FAT3: variants seen among roughly 807,000 people sequenced by gnomAD.
FAT3 encodes protocadherin Fat 3.
A neutral mutation model predicts 310.2 loss-of-function variants in FAT3; 95 were observed. The ratio of observed to expected loss-of-function variants is 0.31; its 90% CI spans 0.26 to 0.36. The LOEUF is 0.36. FAT3 is among the 10% of genes least tolerant of loss of function. The pLI is 1.00. For synonymous variants in FAT3, 2,314 were observed against 2,192.9 expected, an observed-to-expected ratio of 1.06 and a Z score of -1.54; for missense variants, 5,408 against 5,715.6, an observed-to-expected ratio of 0.95 and a Z score of 1.74.
chr11:92,254,841 G>T (rs2054218), intron 1 of FAT3, among the ~76,000 whole-genome samples: 35,346 of 151,846 alleles, frequency 0.23, 4,585 homozygotes, highest in East Asian at 0.38. Context: ...GAGTAGCTGG[G>T]GCTACAGGCA....
chr11:92,640,508 A>G (rs1941919815), intron 3 of FAT3, among the ~76,000 whole-genome samples: 1 of 152,176 alleles, frequency 6.6e-6, no homozygotes, highest in Non-Finnish European at 1.5e-5. Context: ...ATTGTTATTA[A>G]TAGAACAGGT....
At chr11:92,426,732 T>G (rs1404659323) in intron 2 of FAT3, among the ~76,000 whole-genome samples, 1 of 152,200 alleles carries the variant, frequency 6.6e-6, no homozygotes, top group Non-Finnish European at 1.5e-5. Context: ...TCCGTTGGTC[T>G]ATATATCTGT....
intron 4 of FAT3, among the ~76,000 whole-genome samples, chr11:92,725,415 C>A (rs1418269677): frequency 6.6e-6 from 1 of 152,180 alleles, no homozygotes; most frequent in Non-Finnish European, 1.5e-5. Flanking sequence ...ACAGAAAAAT[C>A]CATCTCCCAA....
intron 2 of FAT3, among the ~76,000 whole-genome samples, chr11:92,516,062 A>G (rs1432863993): frequency 6.6e-6 from 1 of 152,140 alleles, no homozygotes; most frequent in Non-Finnish European, 1.5e-5. Context: ...CAAAGGTACA[A>G]AGAGAAGCTG....
chr11:92,463,732 G>A (rs115698880), intron 2 of FAT3, among the ~76,000 whole-genome samples: 1 of 152,106 alleles, frequency 6.6e-6, no homozygotes, highest in Non-Finnish European at 1.5e-5. Flanking sequence ...ATTTACACTG[G>A]TAGTCTGGCA....
At chr11:92,486,096 G>T (rs1952376126) in intron 2 of FAT3, among the ~76,000 whole-genome samples, 1 of 133,234 alleles carries the variant, frequency 7.5e-6, no homozygotes, top group African/African-American at 2.8e-5. Context: ...TTCCTCTAAG[G>T]ACTCATATGT....
At chr11:92,857,092 A>G in intron 19 of FAT3, 122 bp from the exon 20 acceptor site, 2 of 1,432,792 alleles carry the variant, frequency 1.4e-6, no homozygotes, top group Non-Finnish European at 1.9e-6. Context: ...GACTCAGCTC[A>G]GAGCCCACAT....
chr11:92,489,689 C>G lies in FAT3; in HGVS notation c.3293-34945C>G, dbSNP rs1952544635. Among the ~76,000 whole-genome samples the G allele has an allele frequency of 2.6e-5, 4 of 152,170 alleles. No individual in the cohort carries two copies. The South Asian group carries it at 8.3e-4, about 32-fold the overall frequency. The stretch of plus-strand genomic sequence containing the variant: ...CACCTACCAGATGCTAATAGGACAT[C>G]ATTGCTCTATATCAAACTATATTAG... On this transcript the variant is annotated intron_variant, in intron 2 of 27. Transcript: ENST00000525166.
intron 3 of FAT3, among the ~76,000 whole-genome samples, chr11:92,540,207 C>T (rs192620195): frequency 1.3e-4 from 20 of 152,254 alleles, no homozygotes; most frequent in South Asian, 4.1e-4. Context: ...TTCTCATCTG[C>T]GGAGCCATCC....
chr11:92,797,916 G>A lies in FAT3; in HGVS notation c.4903G>A (p.Gly1635Ser). 3 of 1,613,802 alleles carry A rather than the reference G, an allele frequency of 1.9e-6. No homozygotes were observed. The highest frequency in any genetic ancestry group is 2.2e-5 in the South Asian group (2 of 91,070). ...CAAAGAACCAGACATGACGACGATG[G>A]GTCAGTTTGTCCTATCCATCAAAGT... is the stretch of plus-strand genomic sequence containing the variant. ...ICKEPDMTTM[G>S]QFVLSIKVTD... is the part of the protein sequence containing the mutation. Residue 1635 changes from glycine to serine, a missense_variant, in exon 10 of 28, where the codon GGT (glycine) becomes AGT (serine). Physicochemically the swap from Gly to Ser is moderately conservative, Grantham distance 56. Coordinates refer to ENST00000525166, the MANE Select transcript of FAT3 (RefSeq NM_001367949.2).
At chr11:92,706,900 C>T (rs1057031131) in intron 4 of FAT3, among the ~76,000 whole-genome samples, 1 of 152,282 alleles carries the variant, frequency 6.6e-6, no homozygotes, top group Non-Finnish European at 1.5e-5. Flanking sequence ...GAACATTGTC[C>T]GCACAGGCAT....
At chr11:92,442,414 G>A (rs1951097155) in intron 2 of FAT3, among the ~76,000 whole-genome samples, 1 of 150,342 alleles carries the variant, frequency 6.7e-6, no homozygotes, top group African/African-American at 2.4e-5. Flanking sequence ...CGCCTGGCCA[G>A]GAAATATATT....
chr11:92,767,224 C>G (rs1209984203), intron 6 of FAT3, among the ~76,000 whole-genome samples: 8 of 150,120 alleles, frequency 5.3e-5, no homozygotes, highest in Non-Finnish European at 1.2e-4. Flanking sequence ...ACTCCAGCAG[C>G]CTGGGCAACA....
intron 3 of FAT3, among the ~76,000 whole-genome samples, chr11:92,592,599 C>G (rs575328079): frequency 1.3e-5 from 2 of 151,714 alleles, no homozygotes; most frequent in Non-Finnish European, 2.9e-5. Context: ...GGATTACAGG[C>G]GTGAGCCACC....
At chr11:92,229,974 G>A (rs1864101532) in intron 1 of FAT3, among the ~76,000 whole-genome samples, 1 of 152,028 alleles carries the variant, frequency 6.6e-6, no homozygotes, top group Admixed American at 6.6e-5. Flanking sequence ...CCTAGAGGAG[G>A]TGTGAGGAGG....
chr11:92,809,478 G>A (rs1296334546), intron 12 of FAT3, among the ~76,000 whole-genome samples: 1 of 152,186 alleles, frequency 6.6e-6, no homozygotes, highest in African/African-American at 2.4e-5. Flanking sequence ...CATTCTCTGT[G>A]TGTTTTCTGG....
chr11:92,263,114 C>T (rs1170282561), intron 1 of FAT3, among the ~76,000 whole-genome samples: 2 of 151,908 alleles, frequency 1.3e-5, no homozygotes, highest in Non-Finnish European at 2.9e-5. Context: ...AGCTTTGTTT[C>T]CAGTATTCAC....
intron 2 of FAT3, among the ~76,000 whole-genome samples, chr11:92,436,902 A>G (rs571072537): frequency 4.3e-4 from 66 of 152,228 alleles, no homozygotes; most frequent in African/African-American, 1.5e-3. Flanking sequence ...TTTATTTTAC[A>G]CTTGCCATGG....
intron 3 of FAT3, among the ~76,000 whole-genome samples, chr11:92,608,112 A>G (rs1940388792): frequency 6.6e-6 from 1 of 152,222 alleles, no homozygotes. Context: ...CAGGAACCAT[A>G]AGATTATGAT....
Sources: allele counts gnomAD v4.1 joint callset (sites outside exome capture counted in the v4.1 genomes callset), GRCh38; gene constraint gnomAD v4.1.1; transcripts MANE v1.5; gene names NCBI Gene and HGNC (gene_info 2026-07-23, HGNC 2026-07-21).